CDCP1: variants seen among roughly 807,000 people sequenced by gnomAD.
CDCP1 encodes CUB domain containing protein 1, also known as CUB domain-containing protein 1.
CDCP1 carries 29 observed loss-of-function variants against 60.2 expected under a neutral mutation model. That is an observed-to-expected ratio of 0.48 (90% CI 0.36 to 0.66). CDCP1 has a LOEUF of 0.66. Ranked by LOEUF, CDCP1 falls within the 30% of genes least tolerant of loss-of-function variation. The probability of loss-of-function intolerance (pLI) is 0.00; values close to 1 mark genes in which losing one functional copy is unlikely to be tolerated. For synonymous variants in CDCP1, 387 were observed against 431.1 expected (o/e 0.90, Z 1.27); for missense variants, 876 against 1,074.3 (o/e 0.82, Z 2.58).
intron 4 of CDCP1, among the ~76,000 whole-genome samples, chr3:45,096,056 A>G (rs1292518976): frequency 6.6e-6 from 1 of 152,238 alleles, no homozygotes. Context: ...ATGGGGGGAA[A>G]TGTAGATGTC....
chr3:45,112,162 C>A lies in CDCP1; in HGVS notation c.576G>T (p.Val192=). 5.0e-6 allele frequency: 8 copies of A among 1,614,142 alleles called. No individual in the cohort carries two copies. Among genetic ancestry groups the A allele is most frequent in the Non-Finnish European group, 6.8e-6 (8 of 1,180,004 alleles). ...TVSRIKMQEG[V]KMALHLPWFH... ...ACCATGGGAGGTGTAAGGCCATTTTCACTCCTTCTTGCATCTTGATCCGGG... is the reference window on the plus strand; with the variant it reads ...ACCATGGGAGGTGTAAGGCCATTTTAACTCCTTCTTGCATCTTGATCCGGG... Residue 192 remains valine (V), a synonymous_variant, in exon 3 of 9, where the codon GTG becomes GTT. Transcript: ENST00000296129.
At chr3:45,112,743 A>G (rs1698721855) in intron 2 of CDCP1, among the ~76,000 whole-genome samples, 1 of 152,222 alleles carries the variant, frequency 6.6e-6, no homozygotes, top group Non-Finnish European at 1.5e-5. Context: ...ACAGCCAATA[A>G]TGGCCTCCTG....
intron 1 of CDCP1, among the ~76,000 whole-genome samples, chr3:45,128,625 G>A (rs578221399): frequency 1.3e-5 from 2 of 152,330 alleles, no homozygotes; most frequent in African/African-American, 4.8e-5. Flanking sequence ...TTATCAACAC[G>A]GGACTGTTTT....
intron 2 of CDCP1, among the ~76,000 whole-genome samples, chr3:45,113,924 C>T (rs1403871901): frequency 1.3e-5 from 2 of 152,208 alleles, no homozygotes; most frequent in Non-Finnish European, 1.5e-5. Flanking sequence ...TGATTTTCCA[C>T]GCACACCTCC....
chr3:45,138,502 G>A (rs964299295), intron 1 of CDCP1, among the ~76,000 whole-genome samples: 3 of 152,160 alleles, frequency 2.0e-5, no homozygotes, highest in African/African-American at 7.2e-5. Context: ...GTCTTAGTTC[G>A]TTTTGTGTTG....
At chr3:45,100,627 C>G (rs1023074924) in intron 4 of CDCP1, among the ~76,000 whole-genome samples, 10 of 152,128 alleles carry the variant, frequency 6.6e-5, no homozygotes, top group Non-Finnish European at 1.5e-4. Flanking sequence ...TTTTTCCTTT[C>G]TATTTCTCTT....
At chr3:45,145,335 A>T (rs1345054843) in intron 1 of CDCP1, among the ~76,000 whole-genome samples, 1 of 152,216 alleles carries the variant, frequency 6.6e-6, no homozygotes, top group Non-Finnish European at 1.5e-5. Context: ...CGAAACCTGT[A>T]CTAGCCTCAC....
chr3:45,146,268 C>T lies in CDCP1; in HGVS notation c.20G>A (p.Gly7Glu). Residue 7 changes from glycine (G) to glutamate (E), a missense_variant, in exon 1 of 9, where the codon GGG (glycine) becomes GAG (glutamate). By Grantham distance (98) the Gly-to-Glu change is moderately conservative. Coordinates refer to ENST00000296129, the MANE Select transcript of CDCP1 (RefSeq NM_022842.5). MAGLNCGVSIALLGVLL... is the reference protein window; with the variant it reads MAGLNCEVSIALLGVLL... ...AACCCCTAGCAGTGCGATAGAGACC[C>T]CGCAGTTCAGGCCGGCCATGACTCC... 1 of 1,588,568 alleles carries T rather than the reference C, an allele frequency of 6.3e-7. No individual in the cohort carries two copies. Among genetic ancestry groups the T allele is most frequent in the Non-Finnish European group, 8.5e-7 (1 of 1,170,356 alleles).
At chr3:45,123,708 TG>T (rs1698925011) in intron 1 of CDCP1, among the ~76,000 whole-genome samples, 3 of 152,256 alleles carry the variant, frequency 2.0e-5, no homozygotes, top group African/African-American at 7.2e-5. Flanking sequence ...AAATCCCCAC[TG>T]CTTAAGTAGA....
At chr3:45,121,768 G>A (rs1698890728) in intron 1 of CDCP1, among the ~76,000 whole-genome samples, 2 of 152,120 alleles carry the variant, frequency 1.3e-5, no homozygotes, top group African/African-American at 4.8e-5. Context: ...ATTACACCTT[G>A]TATACAAATG....
chr3:45,135,887 C>T (rs7610980), intron 1 of CDCP1, among the ~76,000 whole-genome samples: 126,672 of 152,094 alleles, frequency 0.83, 52,958 homozygotes, highest in East Asian at 0.94. Context: ...AGAGGGTCTT[C>T]GTTGAATTAG....
At chr3:45,140,346 G>A (rs555835343) in intron 1 of CDCP1, among the ~76,000 whole-genome samples, 1 of 152,310 alleles carries the variant, frequency 6.6e-6, no homozygotes, top group African/African-American at 2.4e-5. Flanking sequence ...CATTTCTCCC[G>A]GAACCCTTTG....
intron 4 of CDCP1, among the ~76,000 whole-genome samples, chr3:45,098,681 ATAGT>A (rs527629492): frequency 5.9e-5 from 9 of 151,424 alleles, no homozygotes; most frequent in African/African-American, 1.5e-4. Context: ...CATCTTCCTG[ATAGT>A]TAGCGTCATA....
At position 45,134,410 on chromosome 3, in the gene CDCP1, C is replaced by T. The variant is rs901376929; in HGVS notation, c.82+11796G>A. 5.3e-5 allele frequency among the ~76,000 whole-genome samples: 8 copies of T among 152,210 alleles called. 1 individual carries two copies. Among genetic ancestry groups the T allele is most frequent in the Admixed American group, 3.9e-4 (6 of 15,284 alleles). On this transcript the variant is annotated intron_variant, in intron 1 of 8. Coordinates refer to ENST00000296129, the MANE Select transcript of CDCP1 (RefSeq NM_022842.5). ...AAGTGCTGGGATTACAGGCGCGGGC[C>T]ACCGCGCCCGGCCCAGATCTACTTC...
chr3:45,128,241 C>T (rs1416011255), intron 1 of CDCP1, among the ~76,000 whole-genome samples: 3 of 152,104 alleles, frequency 2.0e-5, no homozygotes, highest in Non-Finnish European at 2.9e-5. Context: ...GAAGAAGGCC[C>T]GAGGGAGTAG....
In CDCP1 at chr3:45,146,187, T is replaced by C; in HGVS notation, c.82+19A>G. 1.9e-6 allele frequency: 3 copies of C among 1,577,540 alleles called. No homozygotes were observed. The highest frequency in any genetic ancestry group is 2.6e-6 in the Non-Finnish European group (3 of 1,165,374). On this transcript the variant is annotated intron_variant, in intron 1 of 8. Transcript: ENST00000296129. ...AGCTCACCACTCCACGCCATCCGCC[T>C]CCAAAGCCCGGCACTCACCTGCCCC...
At chr3:45,086,104 G>A (rs1416432411) in intron 8 of CDCP1, 37 bp from the exon 9 acceptor site, 15 of 1,580,726 alleles carry the variant, frequency 9.5e-6, no homozygotes, top group Non-Finnish European at 1.2e-5. Flanking sequence ...AAGTCAGAAA[G>A]GCAAGAATCT....
intron 4 of CDCP1, among the ~76,000 whole-genome samples, chr3:45,098,287 C>T (rs1356687174): frequency 3.3e-5 from 5 of 152,144 alleles, no homozygotes; most frequent in African/African-American, 1.2e-4. Flanking sequence ...CAGCCTCAAC[C>T]TCCCAGGTTC....
At chr3:45,117,478 C>T (rs1186760772) in intron 2 of CDCP1, among the ~76,000 whole-genome samples, 2 of 152,272 alleles carry the variant, frequency 1.3e-5, no homozygotes, top group East Asian at 1.9e-4. Flanking sequence ...CATGTGATCA[C>T]GTCACATGAG....
Sources: gnomAD v4.1 joint callset for allele counts (sites outside exome capture counted in the v4.1 genomes callset) on GRCh38, gnomAD v4.1.1 for gene constraint, MANE v1.5 for transcripts, NCBI Gene and HGNC (gene_info 2026-07-23, HGNC 2026-07-21) for gene names.